YBX3: variants seen among roughly 807,000 people sequenced by gnomAD.
YBX3 encodes Y-box binding protein 3, also known as Y-box-binding protein 3.
YBX3 carries 29 observed loss-of-function variants against 42.4 expected under a neutral mutation model. That is an observed-to-expected ratio of 0.68 (90% CI 0.51 to 0.93). The LOEUF is 0.93. YBX3 is among the 40% of genes least tolerant of loss of function. The pLI is 0.00. For missense variants in YBX3, 517 were observed against 527.5 expected (o/e 0.98, Z 0.19); for synonymous variants, 195 against 189.8 (o/e 1.03, Z -0.22).
At position 10,718,714 on chromosome 12, in the gene YBX3, A is replaced by G. The variant is rs116279985; in HGVS notation, c.326+366T>C. On this transcript the variant is annotated intron_variant, in intron 2 of 9. Coordinates refer to ENST00000228251, the MANE Select transcript of YBX3 (RefSeq NM_003651.5). ...TGGACCAGAAGTGAGTTAAAGATCC[A>G]GCTCAATGACTCACTAGTTGGGTGA... Among the ~76,000 whole-genome samples, 615 of 152,350 alleles carry G rather than the reference A, an allele frequency of 4.0e-3. 5 individuals are homozygous for G. The highest frequency in any genetic ancestry group is 0.014 in the African/African-American group (579 of 41,582).
chr12:10,722,951 C>G lies in YBX3; in HGVS notation c.161G>C (p.Gly54Ala). 7.9e-7 allele frequency: 1 copy of G among 1,269,246 alleles called. No individual in the cohort carries two copies. The highest frequency in any genetic ancestry group is 9.9e-7 in the Non-Finnish European group (1 of 1,012,808). The allele number at this position is 1,269,246 out of a possible 1,614,324, so 78.6% of individuals were successfully genotyped here. The change falls in exon 1 of 10, where the codon GGA becomes GCA. Residue 54 changes from glycine to alanine, a missense_variant. Around this residue, in one of 3 missense-constraint regions of YBX3, gnomAD observed 86 missense variants for 82.5 expected, o/e 1.04. Coordinates refer to ENST00000228251, the MANE Select transcript of YBX3 (RefSeq NM_003651.5). ...GGGGGCCGCGTCCCCACCGGGGTTT[C>G]CTGCGACGTGGGCGGCGGGCGCCGG... ...AAPAPAAHVA[G>A]NPGGDAAPAA...
chr12:10,707,430 T>C (rs902734389), intron 6 of YBX3, among the ~76,000 whole-genome samples: 9 of 152,232 alleles, frequency 5.9e-5, no homozygotes, highest in Admixed American at 5.2e-4. Context: ...CCATTCCTCA[T>C]ACTCTTCACT....
chr12:10,718,012 C>T (rs868474162), intron 3 of YBX3, 76 bp downstream of exon 3: 66 of 1,323,002 alleles, frequency 5.0e-5, no homozygotes, highest in Non-Finnish European at 6.3e-5. Flanking sequence ...ATAGGACTTA[C>T]TTTTGGGAAA....
intron 4 of YBX3, 66 bp from the exon 5 acceptor site, chr12:10,713,399 T>C (rs1948223967): frequency 1.3e-6 from 2 of 1,564,756 alleles, no homozygotes; most frequent in Non-Finnish European, 1.7e-6. Flanking sequence ...AAAAACAGCC[T>C]TGGACTGCTA....
chr12:10,719,231 G>C (rs998802914), intron 1 of YBX3, 88 bp from the exon 2 acceptor site: 1 of 1,100,878 alleles, frequency 9.1e-7, no homozygotes, highest in African/African-American at 1.6e-5. Flanking sequence ...ATTAGACAAA[G>C]CCTAAACATA....
chr12:10,701,564 A>G (rs925471361), intron 8 of YBX3, among the ~76,000 whole-genome samples: 4 of 151,940 alleles, frequency 2.6e-5, no homozygotes, highest in African/African-American at 9.7e-5. Context: ...CACAAAAACA[A>G]AAAACAAAAC....
In YBX3 at chr12:10,701,225, A is replaced by T; in HGVS notation, c.*34+29T>A. The T allele has an allele frequency of 6.5e-6, 5 of 763,690 alleles. No individual in the cohort carries two copies. In the South Asian group the frequency reaches 7.0e-5, roughly 11 times the overall value. The allele number at this position is 763,690 out of a possible 1,614,324, so 47.3% of individuals were successfully genotyped here. On this transcript the variant is annotated intron_variant, in intron 9 of 9. Transcript: ENST00000228251. Reference sequence around the variant, plus strand: ...CAGTGATACTAAAAAGAAAATACCAACTCAAGACTGGGCTGCCCCAGCTCT... The same window carrying T: ...CAGTGATACTAAAAAGAAAATACCATCTCAAGACTGGGCTGCCCCAGCTCT...
At position 10,699,367 on chromosome 12, in the gene YBX3, T is replaced by C. The variant is rs1948054055; in HGVS notation, c.*322A>G. The C allele has an allele frequency of 6.6e-6, 1 of 152,564 alleles. No individual in the cohort carries two copies. Among genetic ancestry groups the C allele is most frequent in the Non-Finnish European group, 1.5e-5 (1 of 68,024 alleles). The allele number at this position is 152,564 out of a possible 1,614,324, so 9.5% of individuals were successfully genotyped here. A position where few individuals can be genotyped will look rare whatever the true frequency, so the allele number is the denominator to read the frequency against. ...ATATTTCTTGTTTCAATATATATAT[T>C]ACCAAAACAGTAAAAACCAGGAAAA... is the stretch of plus-strand genomic sequence containing the variant. On this transcript the variant is annotated 3_prime_UTR_variant, in exon 10 of 10. Coordinates refer to ENST00000228251, the MANE Select transcript of YBX3 (RefSeq NM_003651.5).
chr12:10,721,677 T>C (rs1344480279), intron 1 of YBX3, among the ~76,000 whole-genome samples: 2 of 152,010 alleles, frequency 1.3e-5, no homozygotes, highest in African/African-American at 4.8e-5. Flanking sequence ...GTGGGGAATA[T>C]TGAATACACT....
intron 4 of YBX3, among the ~76,000 whole-genome samples, chr12:10,714,381 A>G (rs1948235838): frequency 6.6e-6 from 1 of 152,208 alleles, no homozygotes; most frequent in African/African-American, 2.4e-5. Context: ...ATGTAGTTTT[A>G]GCGTGTTTTT....
rs761553299 is a variant in YBX3 at position 10,702,042 on chromosome 12, G to C, written c.971C>G (p.Ser324Cys). 1 of 1,614,190 alleles carries C rather than the reference G, an allele frequency of 6.2e-7. No individual in the cohort carries two copies. Among genetic ancestry groups the C allele is most frequent in the East Asian group, 2.2e-5 (1 of 44,878 alleles). ...QQATSGPNQP[S>C]VRRGYRRPYN... ...GGGACGCCGGTATCCACGGCGAACA[G>C]ACGGCTGGTTTGGACCACTGGTGGC... The change falls in exon 8 of 10, where the codon TCT becomes TGT. Residue 324 changes from serine to cysteine, a missense_variant. Physicochemically the swap from Ser to Cys is moderately radical, Grantham distance 112. Around this residue, in one of 3 missense-constraint regions of YBX3, gnomAD observed 420 missense variants for 408.5 expected, o/e 1.03. Coordinates refer to ENST00000228251, the MANE Select transcript of YBX3 (RefSeq NM_003651.5).
intron 3 of YBX3, among the ~76,000 whole-genome samples, chr12:10,717,526 T>C (rs114740670): frequency 0.013 from 2,031 of 152,312 alleles, 47 homozygotes; most frequent in African/African-American, 0.047. Flanking sequence ...CTTACCCATT[T>C]CCTCTATTTC....
intron 2 of YBX3, chr12:10,718,351 A>T (rs1409392978): frequency 4.3e-6 from 2 of 462,454 alleles, no homozygotes; most frequent in East Asian, 6.7e-5. Flanking sequence ...AAGCTCACAG[A>T]CTCAACATAC....
At chr12:10,710,670 C>G in intron 5 of YBX3, 1 of 955,568 alleles carries the variant, frequency 1.0e-6, no homozygotes, top group Non-Finnish European at 1.5e-6. Context: ...CAGGCATTCT[C>G]TCAGAAGTAT....
chr12:10,714,866 G>A (rs1948242450), intron 4 of YBX3, among the ~76,000 whole-genome samples: 1 of 151,524 alleles, frequency 6.6e-6, no homozygotes, highest in Admixed American at 6.6e-5. Flanking sequence ...CGATTCTCCT[G>A]CCTCAGCCTC....
chr12:10,716,618 TA>T (rs1948265177), intron 3 of YBX3, among the ~76,000 whole-genome samples: 1 of 152,226 alleles, frequency 6.6e-6, no homozygotes, highest in Admixed American at 6.5e-5. Context: ...CTGGTATCTC[TA>T]AACAGTTAAA....
chr12:10,713,463 G>T, intron 4 of YBX3, 130 bp from the exon 5 acceptor site: 2 of 1,176,744 alleles, frequency 1.7e-6, no homozygotes, highest in Middle Eastern at 2.1e-4. Context: ...TTTAAAAACA[G>T]ATCTAGGTTT....
chr12:10,704,016 C>A, intron 7 of YBX3, 35 bp downstream of exon 7: 1 of 1,592,810 alleles, frequency 6.3e-7, no homozygotes, highest in South Asian at 1.1e-5. Context: ...GCACACAAGT[C>A]CTTTAACTGG....
chr12:10,709,990 C>A lies in YBX3; in HGVS notation c.698G>T (p.Arg233Leu), dbSNP rs145107056. 17 of 1,614,050 alleles carry A rather than the reference C, an allele frequency of 1.1e-5. No homozygotes were observed. Among genetic ancestry groups the A allele is most frequent in the Non-Finnish European group, 1.4e-5 (16 of 1,180,006 alleles). ...GTGGTAAGGCGGGAACCGCCGCTGC[C>A]GGTACTGAGGGCGATACTGGGGGCG... ...LRRPQYRPQYRQRRFPPYHVG... is the reference protein window; with the variant it reads ...LRRPQYRPQYLQRRFPPYHVG... Residue 233 changes from arginine to leucine, a missense_variant, in exon 6 of 10, where the codon CGG becomes CTG. This residue lies in a region of YBX3 where 420 missense variants were observed against 408.5 expected (regional missense o/e 1.03). Transcript: ENST00000228251.
Sources: gnomAD v4.1 joint callset for allele counts (sites outside exome capture counted in the v4.1 genomes callset) on GRCh38, gnomAD v4.1.1 for gene constraint, gnomAD v4.1.1 regional missense constraint, MANE v1.5 for transcripts, NCBI Gene and HGNC (gene_info 2026-07-23, HGNC 2026-07-21) for gene names.